The following AFF3 variants were observed in gnomAD, a reference collection of about 807,000 sequenced individuals.
AFF3 encodes the protein AF4/FMR2 family member 3.
A neutral mutation model predicts 129.7 loss-of-function variants in AFF3; 32 were observed. The ratio of observed to expected loss-of-function variants is 0.25; its 90% CI spans 0.19 to 0.33. The LOEUF (loss-of-function observed/expected upper bound fraction) is 0.33. Among genes scored for constraint, AFF3 ranks in the 10% least tolerant of loss-of-function variants. The pLI is 1.00. For synonymous variants in AFF3, 644 were observed against 635.4 expected, an observed-to-expected ratio of 1.01 and a Z score of -0.20; for missense variants, 1,373 against 1,592.0, an observed-to-expected ratio of 0.86 and a Z score of 2.34.
chr2:99,678,956 A>G (rs965714369), intron 11 of AFF3, among the ~76,000 whole-genome samples: 2 of 152,184 alleles, frequency 1.3e-5, no homozygotes, highest in Admixed American at 1.3e-4. Flanking sequence ...CCTTCTTCTC[A>G]GCGTTTGTTC....
chr2:99,856,416 A>G (rs1690534571), intron 7 of AFF3, among the ~76,000 whole-genome samples: 3 of 152,206 alleles, frequency 2.0e-5, no homozygotes, highest in Non-Finnish European at 4.4e-5. Flanking sequence ...GATCATCCAG[A>G]TACTGAAGTT....
At chr2:99,984,250 G>C (rs1006588671) in intron 7 of AFF3, among the ~76,000 whole-genome samples, 3 of 152,142 alleles carry the variant, frequency 2.0e-5, no homozygotes, top group Non-Finnish European at 4.4e-5. Context: ...TTGATATGTA[G>C]GTATCAATTG....
intron 13 of AFF3, among the ~76,000 whole-genome samples, chr2:99,619,675 C>T (rs770338845): frequency 7.2e-5 from 11 of 152,200 alleles, no homozygotes; most frequent in Non-Finnish European, 1.5e-4. Flanking sequence ...AGGACTTGGG[C>T]TCTGTCTGTC....
At chr2:99,867,243 C>G (rs897852118) in intron 7 of AFF3, among the ~76,000 whole-genome samples, 1 of 152,064 alleles carries the variant, frequency 6.6e-6, no homozygotes, top group African/African-American at 2.4e-5. Flanking sequence ...AGCAACATAA[C>G]TTCCCTAACT....
At chr2:99,754,219 G>GA (rs1681906341) in intron 8 of AFF3, among the ~76,000 whole-genome samples, 1 of 152,188 alleles carries the variant, frequency 6.6e-6, no homozygotes, top group Admixed American at 6.5e-5. Context: ...CTTCTGTAGA[G>GA]AAATTATTCA....
chr2:99,998,446 G>A (rs1681058909), intron 7 of AFF3, among the ~76,000 whole-genome samples: 1 of 152,116 alleles, frequency 6.6e-6, no homozygotes, highest in Non-Finnish European at 1.5e-5. Context: ...CTCGGGGGAT[G>A]GAGGAGGTCT....
intron 13 of AFF3, among the ~76,000 whole-genome samples, chr2:99,602,374 A>C (rs1338013336): frequency 6.6e-6 from 1 of 152,238 alleles, no homozygotes; most frequent in African/African-American, 2.4e-5. Flanking sequence ...TTTCACATTT[A>C]TACTTGATGT....
intron 7 of AFF3, among the ~76,000 whole-genome samples, chr2:99,867,004 A>ATAATAATAAT (rs1347678890): frequency 2.0e-4 from 21 of 102,958 alleles, no homozygotes; most frequent in Admixed American, 5.9e-4. Flanking sequence ...TAATAATAAA[A>ATAATAATAAT]AATAAATAAA....
At chr2:99,858,717 T>C (rs1307874712) in intron 7 of AFF3, among the ~76,000 whole-genome samples, 7 of 151,746 alleles carry the variant, frequency 4.6e-5, no homozygotes, top group Admixed American at 2.0e-4. Flanking sequence ...CATGGACACA[T>C]AGAGGGGAAA....
intron 2 of AFF3, among the ~76,000 whole-genome samples, chr2:100,110,505 G>A (rs1053681771): frequency 2.6e-5 from 4 of 152,210 alleles, no homozygotes; most frequent in African/African-American, 7.2e-5. Flanking sequence ...TGCAGCCCTC[G>A]GAGGAAACCG....
intron 7 of AFF3, among the ~76,000 whole-genome samples, chr2:99,990,402 TTAAA>T (rs1319070909): frequency 1.2e-4 from 19 of 152,318 alleles, no homozygotes; most frequent in Non-Finnish European, 2.2e-4. Context: ...ATTGTTCACT[TTAAA>T]TAGTTAAGAT....
chr2:99,768,538 T>C (rs1683204009), intron 8 of AFF3, among the ~76,000 whole-genome samples: 1 of 152,258 alleles, frequency 6.6e-6, no homozygotes, highest in Non-Finnish European at 1.5e-5. Flanking sequence ...TTACACACCA[T>C]AGTTACAGTG....
At chr2:100,042,031 G>C (rs1328374022) in intron 4 of AFF3, among the ~76,000 whole-genome samples, 1 of 152,004 alleles carries the variant, frequency 6.6e-6, no homozygotes, top group Non-Finnish European at 1.5e-5. Flanking sequence ...GGCTCTCTGA[G>C]CCCATCTCTA....
chr2:99,994,682 CAGAA>C, intron 7 of AFF3, among the ~76,000 whole-genome samples: 1 of 152,206 alleles, frequency 6.6e-6, no homozygotes, highest in Admixed American at 6.5e-5. Flanking sequence ...TACGCAAAGA[CAGAA>C]AGGTATGAAA....
intron 15 of AFF3, among the ~76,000 whole-genome samples, chr2:99,590,854 A>G (rs908608571): frequency 1.9e-4 from 29 of 151,936 alleles, no homozygotes; most frequent in African/African-American, 1.2e-4. Flanking sequence ...TTAGCCAGGC[A>G]TGGTGGCACA....
chr2:99,783,008 C>T (rs1684521345), intron 8 of AFF3, among the ~76,000 whole-genome samples: 1 of 152,198 alleles, frequency 6.6e-6, no homozygotes, highest in South Asian at 2.1e-4. Flanking sequence ...AGATTAAAGA[C>T]AGTCAATGGC....
chr2:99,943,712 TAAA>T (rs1675277563), intron 7 of AFF3, among the ~76,000 whole-genome samples: 5 of 152,198 alleles, frequency 3.3e-5, no homozygotes. Context: ...TTCTGCTTGT[TAAA>T]AAAGTGGAAT....
chr2:99,778,885 TGTGTGTGTGC>T (rs1684154792), intron 8 of AFF3, among the ~76,000 whole-genome samples: 3 of 44,256 alleles, frequency 6.8e-5, no homozygotes, highest in African/African-American at 2.2e-4. Flanking sequence ...TGTGTGTGTG[TGTGTGTGTGC>T]GCGTGTGTGT....
intron 11 of AFF3, among the ~76,000 whole-genome samples, chr2:99,725,438 T>C (rs1459629488): frequency 6.6e-6 from 1 of 152,218 alleles, no homozygotes; most frequent in Non-Finnish European, 1.5e-5. Flanking sequence ...TAAGCTATTC[T>C]TGTGCCTCAG....
Sources: allele counts gnomAD v4.1 joint callset (sites outside exome capture counted in the v4.1 genomes callset), GRCh38; gene constraint gnomAD v4.1.1; transcripts MANE v1.5; gene names NCBI Gene and HGNC (gene_info 2026-07-23, HGNC 2026-07-21).